Variants in TENM3 observed in about 807,000 individuals in gnomAD.
TENM3 encodes teneurin-3.
Under a neutral mutation model 255.1 loss-of-function variants are expected in TENM3, and 63 were observed. The observed-to-expected ratio is 0.25, with a 90% CI of 0.20 to 0.30. TENM3 has a LOEUF of 0.30. Among genes scored for constraint, TENM3 ranks in the 10% least tolerant of loss-of-function variants. The pLI is 1.00. For synonymous variants in TENM3, 1,306 were observed against 1,322.3 expected (o/e 0.99, Z 0.27); for missense variants, 2,929 against 3,461.1 (o/e 0.85, Z 3.86).
At chr4:181,824,458 A>T in the TENM3 span, among the ~76,000 whole-genome samples, 11 of 152,158 alleles carry the variant, frequency 7.2e-5, no homozygotes, top group Non-Finnish European at 1.3e-4. Context: ...ATTGTAAGAC[A>T]GTTCTCTCAG....
the TENM3 span, among the ~76,000 whole-genome samples, chr4:181,491,088 C>A: frequency 4.6e-5 from 7 of 151,642 alleles, no homozygotes; most frequent in Non-Finnish European, 8.8e-5. Context: ...TCGTGATTTA[C>A]GAATGCCTAA....
At chr4:181,531,251 C>T in the TENM3 span, among the ~76,000 whole-genome samples, 1 of 152,094 alleles carries the variant, frequency 6.6e-6, no homozygotes, top group South Asian at 2.1e-4. Flanking sequence ...CAGACAGAAA[C>T]TCACGATGAT....
chr4:181,495,324 T>G, the TENM3 span, among the ~76,000 whole-genome samples: 1 of 152,142 alleles, frequency 6.6e-6, no homozygotes, highest in Non-Finnish European at 1.5e-5. Context: ...TCAGGGACAA[T>G]GCCTACAACG....
At chr4:182,002,681 T>C in the TENM3 span, among the ~76,000 whole-genome samples, 1 of 151,942 alleles carries the variant, frequency 6.6e-6, no homozygotes, top group Admixed American at 6.6e-5. Flanking sequence ...ATCAACAAAC[T>C]CCCAAGTGGA....
chr4:181,549,860 A>C, the TENM3 span, among the ~76,000 whole-genome samples: 1 of 152,280 alleles, frequency 6.6e-6, no homozygotes, highest in Admixed American at 6.5e-5. Flanking sequence ...ATCCTCTATA[A>C]ATATCTTTTC....
intron 3 of TENM3, among the ~76,000 whole-genome samples, chr4:182,462,324 GC>G (rs1290637173): frequency 6.6e-6 from 1 of 151,964 alleles, no homozygotes; most frequent in Non-Finnish European, 1.5e-5. Context: ...CTCCCAAAGT[GC>G]TGGGATTACA....
chr4:181,538,528 G>T, the TENM3 span, among the ~76,000 whole-genome samples: 4,901 of 151,972 alleles, frequency 0.032, 194 homozygotes, highest in African/African-American at 0.093. Flanking sequence ...GCAGAGTAGG[G>T]GTGGGGTGGG....
the TENM3 span, among the ~76,000 whole-genome samples, chr4:181,836,389 G>A: frequency 5.9e-5 from 9 of 152,148 alleles, no homozygotes; most frequent in East Asian, 1.7e-3. Context: ...ATGCATCACA[G>A]CATTTAAACT....
At chr4:182,635,847 T>G (rs1751799244) in intron 5 of TENM3, among the ~76,000 whole-genome samples, 1 of 152,192 alleles carries the variant, frequency 6.6e-6, no homozygotes, top group African/African-American at 2.4e-5. Flanking sequence ...TTATGAACAC[T>G]TTTACCTCTC....
chr4:182,118,964 C>T, the TENM3 span, among the ~76,000 whole-genome samples: 4 of 152,058 alleles, frequency 2.6e-5, no homozygotes, highest in African/African-American at 9.7e-5. Flanking sequence ...AAAAAATAGG[C>T]CATTAGCGAT....
At chr4:182,674,410 T>A (rs1755490176) in intron 7 of TENM3, among the ~76,000 whole-genome samples, 1 of 152,172 alleles carries the variant, frequency 6.6e-6, no homozygotes, top group Admixed American at 6.5e-5. Context: ...GCTGTGAAAT[T>A]TCTGAATATC....
chr4:182,595,069 T>A (rs1196911362), intron 3 of TENM3, among the ~76,000 whole-genome samples: 2 of 152,132 alleles, frequency 1.3e-5, no homozygotes, highest in African/African-American at 4.8e-5. Context: ...TGTTTTTAGC[T>A]CCTTTAAACA....
chr4:182,630,649 GCACAC>G (rs960272347), intron 5 of TENM3, among the ~76,000 whole-genome samples: 174 of 152,172 alleles, frequency 1.1e-3, no homozygotes, highest in African/African-American at 4.0e-3. Flanking sequence ...AACCACCATG[GCACAC>G]ATTTACCTAT....
intron 3 of TENM3, among the ~76,000 whole-genome samples, chr4:182,523,763 A>C (rs1291084672): frequency 6.6e-6 from 1 of 152,180 alleles, no homozygotes; most frequent in East Asian, 1.9e-4. Flanking sequence ...CACTTACAGC[A>C]TACCTGGATT....
chr4:182,045,771 G>A, the TENM3 span, among the ~76,000 whole-genome samples: 6 of 152,200 alleles, frequency 3.9e-5, no homozygotes, highest in East Asian at 1.9e-4. Context: ...AACCTAGGCC[G>A]GGCACAGTGG....
chr4:181,825,488 C>A, the TENM3 span, among the ~76,000 whole-genome samples: 1 of 149,442 alleles, frequency 6.7e-6, no homozygotes, highest in Admixed American at 6.7e-5. Flanking sequence ...TAAATCAGGT[C>A]TTTCCCACCA....
the TENM3 span, among the ~76,000 whole-genome samples, chr4:181,900,391 TTAAAA>T: frequency 6.6e-6 from 1 of 152,196 alleles, no homozygotes; most frequent in African/African-American, 2.4e-5. Flanking sequence ...TCAAGATGTA[TTAAAA>T]TAATATTAGT....
chr4:181,514,237 A>G, the TENM3 span, among the ~76,000 whole-genome samples: 5 of 152,280 alleles, frequency 3.3e-5, no homozygotes, highest in African/African-American at 1.2e-4. Context: ...GAAAACATAA[A>G]CTTTTTAATT....
chr4:182,232,096 G>C (rs1336107798), intron 1 of TENM3, among the ~76,000 whole-genome samples: 1 of 152,150 alleles, frequency 6.6e-6, no homozygotes, highest in African/African-American at 2.4e-5. Flanking sequence ...GTTTTATCTT[G>C]TTTTGAGGTC....
Sources: gnomAD v4.1 joint callset for allele counts (sites outside exome capture counted in the v4.1 genomes callset) on GRCh38, gnomAD v4.1.1 for gene constraint, MANE v1.5 for transcripts, NCBI Gene and HGNC (gene_info 2026-07-23, HGNC 2026-07-21) for gene names.